RAD51B: variants seen among roughly 807,000 people sequenced by gnomAD.
RAD51B encodes DNA repair protein RAD51 homolog 2.
A neutral mutation model predicts 42.2 loss-of-function variants in RAD51B; 38 were observed. The observed-to-expected ratio is 0.90, with a 90% confidence interval of 0.70 to 1.18. The LOEUF (loss-of-function observed/expected upper bound fraction) is 1.18. Among genes scored for constraint, RAD51B ranks in the 50% most tolerant of loss-of-function variants. RAD51B has a pLI of 0.00. For missense variants in RAD51B, 373 were observed against 400.7 expected, an observed-to-expected ratio of 0.93 and a Z score of 0.59; for synonymous variants, 154 against 145.2, an observed-to-expected ratio of 1.06 and a Z score of -0.43.
chr14:68,202,254 C>T (rs905395004), intron 7 of RAD51B, among the ~76,000 whole-genome samples: 2 of 152,136 alleles, frequency 1.3e-5, no homozygotes, highest in African/African-American at 4.8e-5. Context: ...TCTCTGATCA[C>T]GGTGGTGGTT....
intron 7 of RAD51B, among the ~76,000 whole-genome samples, chr14:68,255,622 A>C (rs1192090491): frequency 6.6e-6 from 1 of 152,252 alleles, no homozygotes; most frequent in Admixed American, 6.5e-5. Context: ...AAGTTATCAC[A>C]TAATTTTCTC....
chr14:68,543,669 T>C (rs993905508), intron 10 of RAD51B, among the ~76,000 whole-genome samples: 1 of 152,246 alleles, frequency 6.6e-6, no homozygotes, highest in African/African-American at 2.4e-5. Flanking sequence ...TGCCACATTG[T>C]TTTGGCCCAC....
intron 7 of RAD51B, among the ~76,000 whole-genome samples, chr14:68,071,265 C>T (rs949252461): frequency 3.3e-5 from 5 of 152,052 alleles, no homozygotes; most frequent in African/African-American, 1.2e-4. Context: ...ATTTCTGTAT[C>T]TTGCCTAATT....
At chr14:68,657,222 G>C (rs1022562255) in intron 11 of RAD51B, among the ~76,000 whole-genome samples, 3 of 151,634 alleles carry the variant, frequency 2.0e-5, no homozygotes, top group Non-Finnish European at 4.4e-5. Flanking sequence ...TCTCGCGGTG[G>C]GGGGAATGCT....
At chr14:68,518,613 T>G (rs1886345977) in intron 10 of RAD51B, among the ~76,000 whole-genome samples, 1 of 119,866 alleles carries the variant, frequency 8.3e-6, no homozygotes, top group African/African-American at 3.2e-5. Context: ...ACACTCAGCC[T>G]TTTCATCCTT....
At chr14:68,613,687 T>C (rs12586179), downstream of RAD51B, among the ~76,000 whole-genome samples, 89,661 of 151,242 alleles carry the variant, frequency 0.59, 26,714 homozygotes, top group South Asian at 0.7. Flanking sequence ...ATCTCCTGAC[T>C]TTGTGATCCA....
intron 7 of RAD51B, among the ~76,000 whole-genome samples, chr14:67,995,809 A>G (rs1337935389): frequency 1.3e-5 from 2 of 151,730 alleles, no homozygotes; most frequent in South Asian, 2.1e-4. Context: ...AGTAGAGACG[A>G]GGTTTCACCG....
intron 5 of RAD51B, among the ~76,000 whole-genome samples, chr14:67,868,521 C>A (rs1481959344): frequency 2.0e-5 from 3 of 152,254 alleles, no homozygotes; most frequent in Non-Finnish European, 4.4e-5. Context: ...GGGCACCCGC[C>A]ATTGCCCAGG....
In RAD51B at chr14:68,671,819, C is replaced by CAA. The variant is rs112197030; in HGVS notation, c.*11+20974_*11+20975dup. On this transcript the variant is annotated intron_variant, in intron 11 of 11. Coordinates refer to the RAD51B transcript ENST00000488612. ...AATACTGATGGCTTTGACTGGTTAT[C>CAA]AAAAAAAAAAAATGTAAGTGATCAA... Among the ~76,000 whole-genome samples the CAA allele has an allele frequency of 4.7e-3, 682 of 145,310 alleles. 7 individuals are homozygous for CAA. Among genetic ancestry groups the CAA allele is most frequent in the African/African-American group, 0.011 (456 of 39,660 alleles).
At chr14:68,393,187 A>G (rs939305469) in intron 8 of RAD51B, among the ~76,000 whole-genome samples, 2 of 152,224 alleles carry the variant, frequency 1.3e-5, no homozygotes, top group East Asian at 1.9e-4. Flanking sequence ...GGACTTATCA[A>G]TTGAGCTATT....
At chr14:68,201,429 C>G (rs2079483792) in intron 7 of RAD51B, among the ~76,000 whole-genome samples, 2 of 152,296 alleles carry the variant, frequency 1.3e-5, no homozygotes, top group East Asian at 1.9e-4. Context: ...TTGGTTTTAA[C>G]CTTAAGCTAA....
intron 7 of RAD51B, among the ~76,000 whole-genome samples, chr14:67,924,892 A>G (rs914720075): frequency 3.3e-5 from 5 of 152,210 alleles, no homozygotes; most frequent in African/African-American, 4.8e-5. Flanking sequence ...GTCTCATCAG[A>G]GACAAGGCCA....
chr14:68,409,698 C>A (rs2084368807), intron 8 of RAD51B, among the ~76,000 whole-genome samples: 1 of 152,152 alleles, frequency 6.6e-6, no homozygotes, highest in Admixed American at 6.5e-5. Flanking sequence ...AGAGGTGAAG[C>A]CAGAGAGAGA....
intron 10 of RAD51B, among the ~76,000 whole-genome samples, chr14:68,645,985 C>T (rs1892556801): frequency 6.6e-6 from 1 of 152,038 alleles, no homozygotes; most frequent in African/African-American, 2.4e-5. Flanking sequence ...AGTGTCAGTA[C>T]ACTCAAAATA....
At chr14:67,931,615 G>T (rs2044740507) in intron 7 of RAD51B, among the ~76,000 whole-genome samples, 1 of 149,836 alleles carries the variant, frequency 6.7e-6, no homozygotes, top group Admixed American at 6.7e-5. Flanking sequence ...CAATTCTCCT[G>T]CCTCAGCCTC....
At chr14:67,946,784 T>C (rs2045409643) in intron 7 of RAD51B, among the ~76,000 whole-genome samples, 1 of 152,244 alleles carries the variant, frequency 6.6e-6, no homozygotes, top group African/African-American at 2.4e-5. Context: ...AAGGTATGGA[T>C]ATACTACTTC....
downstream of RAD51B, among the ~76,000 whole-genome samples, chr14:68,481,485 G>A (rs1181399960): frequency 6.6e-6 from 1 of 152,158 alleles, no homozygotes; most frequent in Non-Finnish European, 1.5e-5. Flanking sequence ...TCCTGCCCAA[G>A]GCCCTCCAGG....
At chr14:68,092,834 G>A (rs1432048643) in intron 7 of RAD51B, among the ~76,000 whole-genome samples, 1 of 151,986 alleles carries the variant, frequency 6.6e-6, no homozygotes, top group Non-Finnish European at 1.5e-5. Flanking sequence ...TTGGCTGTGG[G>A]TTTGTCATAG....
At chr14:67,930,167 G>A (rs944385723) in intron 7 of RAD51B, among the ~76,000 whole-genome samples, 1 of 152,080 alleles carries the variant, frequency 6.6e-6, no homozygotes, top group Non-Finnish European at 1.5e-5. Flanking sequence ...TCTTTTAAGT[G>A]GAGAATTTAA....
Sources: gnomAD v4.1 joint callset for allele counts (sites outside exome capture counted in the v4.1 genomes callset) on GRCh38, gnomAD v4.1.1 for gene constraint, MANE v1.5 for transcripts, NCBI Gene and HGNC (gene_info 2026-07-23, HGNC 2026-07-21) for gene names.